Variants in HSH2D observed in about 807,000 individuals in gnomAD.
HSH2D encodes the protein hematopoietic SH2 domain-containing protein.
In HSH2D, 16 loss-of-function variants were observed where a neutral mutation model predicts 21.5. That is an observed-to-expected ratio of 0.74 (90% CI 0.50 to 1.13). HSH2D has a LOEUF of 1.13. Among genes scored for constraint, HSH2D ranks in the 50% most tolerant of loss-of-function variants. The pLI, the probability that HSH2D is intolerant of heterozygous loss-of-function variation, is 0.00. For synonymous variants in HSH2D, 172 were observed against 184.7 expected (o/e 0.93, Z 0.56); for missense variants, 418 against 441.4 (o/e 0.95, Z 0.47).
chr19:16,151,581 C>G (rs1327735539), intron 2 of HSH2D: 1 of 455,536 alleles, frequency 2.2e-6, no homozygotes, highest in African/African-American at 2.0e-5. Context: ...GCATACAGGT[C>G]CTTCTTTGTT....
chr19:16,138,833 G>T (rs2090980910), upstream of HSH2D, among the ~76,000 whole-genome samples: 2 of 151,430 alleles, frequency 1.3e-5, no homozygotes, highest in South Asian at 4.2e-4. Context: ...TAGACTGTGG[G>T]CCCTAGAAGG....
chr19:16,148,573 G>A (rs6512085), intron 1 of HSH2D, among the ~76,000 whole-genome samples, 151 bp from the exon 2 acceptor site: 20,035 of 152,060 alleles, frequency 0.13, 2,265 homozygotes, highest in African/African-American at 0.31. Flanking sequence ...CATGTGAGCC[G>A]TCACACCCAG....
chr19:16,156,965 G>A (rs1385531449), intron 5 of HSH2D, among the ~76,000 whole-genome samples: 2 of 151,210 alleles, frequency 1.3e-5, no homozygotes, highest in African/African-American at 4.9e-5. Context: ...CAGACTGGGC[G>A]ACAGAGTGAA....
chr19:16,135,584 A>T (rs757780894), intron 1 of HSH2D, among the ~76,000 whole-genome samples: 7 of 151,930 alleles, frequency 4.6e-5, no homozygotes, highest in African/African-American at 1.7e-4. Flanking sequence ...CTCCACTCCA[A>T]TCCTCTCCTT....
intron 2 of HSH2D, among the ~76,000 whole-genome samples, chr19:16,151,140 A>G (rs948919258): frequency 1.3e-5 from 2 of 152,080 alleles, no homozygotes; most frequent in South Asian, 2.1e-4. Flanking sequence ...CCTGGCAAAC[A>G]TGGTGAAACC....
rs1260095280 is a variant in HSH2D, at chr19:16,158,408, C to G, written c.*614C>G. 6.6e-6 allele frequency: 1 copy of G among 152,172 alleles called. No homozygotes were observed. The highest frequency in any genetic ancestry group is 2.4e-5 in the African/African-American group (1 of 41,372). 9.4% of individuals were successfully genotyped at this position (152,172 alleles called of 1,614,324 possible). Reference sequence around the variant, plus strand: ...AATTACCCGGACGTGGTGGCGCATGCCTGTAATCCCAGCTACTTGGGAGCC... The same window carrying G: ...AATTACCCGGACGTGGTGGCGCATGGCTGTAATCCCAGCTACTTGGGAGCC... On this transcript the variant is annotated 3_prime_UTR_variant, in exon 6 of 6. Coordinates refer to ENST00000613986, the MANE Select transcript of HSH2D (RefSeq NM_001382417.1).
At chr19:16,156,122 G>A (rs1484127012) in intron 5 of HSH2D, among the ~76,000 whole-genome samples, 1 of 152,038 alleles carries the variant, frequency 6.6e-6, no homozygotes, top group Non-Finnish European at 1.5e-5. Context: ...GGGAGGCTGA[G>A]AGGAGAGGAT....
At chr19:16,141,959 G>A (rs1284413929), upstream of HSH2D, 1 of 151,830 alleles carries the variant, frequency 6.6e-6, no homozygotes, top group African/African-American at 2.4e-5. Context: ...GGTGGTGTGT[G>A]CCTGTAGTCC....
At chr19:16,146,341 G>A (rs1001586315) in intron 1 of HSH2D, among the ~76,000 whole-genome samples, 5 of 152,112 alleles carry the variant, frequency 3.3e-5, no homozygotes, top group Non-Finnish European at 7.4e-5. Context: ...GACGTTGGTG[G>A]CAGAAGTGAC....
At chr19:16,146,914 C>G (rs984344998) in intron 1 of HSH2D, among the ~76,000 whole-genome samples, 9 of 151,906 alleles carry the variant, frequency 5.9e-5, no homozygotes, top group African/African-American at 2.2e-4. Context: ...CAACCTCTGC[C>G]TCCTGAGTTC....
chr19:16,141,929 T>G (rs1192509211), upstream of HSH2D: 2 of 151,796 alleles, frequency 1.3e-5, no homozygotes, highest in African/African-American at 2.4e-5. Flanking sequence ...AAAAAAATAT[T>G]TTTTTAATTA....
chr19:16,140,319 A>AAT (rs533681491), upstream of HSH2D, among the ~76,000 whole-genome samples: 31 of 152,114 alleles, frequency 2.0e-4, no homozygotes, highest in African/African-American at 5.8e-4. Context: ...ATAAAAAATA[A>AAT]AAATAAATAA....
At position 16,157,172 on chromosome 19, in the gene HSH2D, G is replaced by C; in HGVS notation, c.475-38G>C. ...CTGGGACAGACATGGTGCTCTGGTG[G>C]GCAAGCTGCCCCAGGCCTCCCCTAC... On this transcript the variant is annotated intron_variant, in intron 5 of 5. Coordinates refer to ENST00000613986, the MANE Select transcript of HSH2D (RefSeq NM_001382417.1). This position sits in a 1 kb window ranked among gnomAD's most constrained non-coding sequence, Gnocchi z 4.4. The C allele has an allele frequency of 6.7e-7, 1 of 1,488,444 alleles. No homozygotes were observed. The highest frequency in any genetic ancestry group is 1.4e-5 in the South Asian group (1 of 73,556). The allele number at this position is 1,488,444 out of a possible 1,614,324, so 92.2% of individuals were successfully genotyped here.
At chr19:16,138,866 C>CT (rs942018665), upstream of HSH2D, among the ~76,000 whole-genome samples, 137 of 144,174 alleles carry the variant, frequency 9.5e-4, 1 homozygote, top group Middle Eastern at 3.8e-3. Flanking sequence ...CCAATCTTGC[C>CT]TTTTTTTTTT....
chr19:16,147,135 C>G (rs2091082327), intron 1 of HSH2D, among the ~76,000 whole-genome samples: 1 of 151,970 alleles, frequency 6.6e-6, no homozygotes, highest in African/African-American at 2.4e-5. Context: ...TCTAAATACT[C>G]TATTCTTAAA....
chr19:16,154,571 G>T (rs188868946), intron 5 of HSH2D, 80 bp downstream of exon 5: 240 of 799,884 alleles, frequency 3.0e-4, no homozygotes, highest in Middle Eastern at 1.9e-3. Flanking sequence ...TCCAGAGGAG[G>T]CTCCTTCTAG....
intron 5 of HSH2D, among the ~76,000 whole-genome samples, chr19:16,155,977 T>C (rs1405227243): frequency 1.3e-5 from 2 of 151,074 alleles, no homozygotes; most frequent in African/African-American, 4.9e-5. Context: ...CTGGTGGAGA[T>C]GGAAAGAAGG....
At chr19:16,146,210 G>A (rs2091067306) in intron 1 of HSH2D, among the ~76,000 whole-genome samples, 1 of 152,076 alleles carries the variant, frequency 6.6e-6, no homozygotes, top group African/African-American at 2.4e-5. Context: ...TCTCTCTCCA[G>A]CTCTGTCATT....
At chr19:16,136,578 A>G (rs1002724398) in intron 1 of HSH2D, among the ~76,000 whole-genome samples, 2 of 152,232 alleles carry the variant, frequency 1.3e-5, no homozygotes, top group East Asian at 3.8e-4. Context: ...CGAGCTGCAG[A>G]CATAGATAAG....
Sources: allele counts gnomAD v4.1 joint callset (sites outside exome capture counted in the v4.1 genomes callset), GRCh38; gene constraint gnomAD v4.1.1; non-coding constraint Gnocchi (gnomAD v3.1); transcripts MANE v1.5; gene names NCBI Gene and HGNC (gene_info 2026-07-23, HGNC 2026-07-21).